SEC13: variants seen among roughly 807,000 people sequenced by gnomAD.
SEC13 encodes protein SEC13 homolog.
Under a neutral mutation model 49.2 loss-of-function variants are expected in SEC13, and 25 were observed. That is an observed-to-expected ratio of 0.51 (90% CI 0.37 to 0.71). The LOEUF is 0.71. SEC13 is among the 30% of genes least tolerant of loss of function. The probability of loss-of-function intolerance (pLI) is 0.00; values close to 1 mark genes in which losing one functional copy is unlikely to be tolerated. For synonymous variants in SEC13, 148 were observed against 163.9 expected (o/e 0.90, Z 0.74); for missense variants, 383 against 417.6 (o/e 0.92, Z 0.72).
chr3:10,312,671 G>A lies in SEC13; in HGVS notation c.224C>T (p.Ala75Val), dbSNP rs1402567339. 6.2e-7 allele frequency: 1 copy of A among 1,614,078 alleles called. No homozygotes were observed. The highest frequency in any genetic ancestry group is 8.5e-7 in the Non-Finnish European group (1 of 1,180,046). ...GACTTTCCGGTCATAGGAGCACGAT[G>A]CCAGGATGTTGCCGTACATGGGGTG... ...WAHPMYGNIL[A>V]SCSYDRKVII... Residue 75 changes from alanine to valine, a missense_variant, in exon 4 of 9, where the codon GCA becomes GTA. Coordinates refer to ENST00000350697, the MANE Select transcript of SEC13 (RefSeq NM_183352.3).
rs768198332 is a variant in SEC13, at chr3:10,301,067, T to C, written c.*194A>G. ...GTTTCTTCCTCGTAACATGAGTGCTTTCAGCTGGACAGTAGATTACAAAGC... is the reference window on the plus strand; with the variant it reads ...GTTTCTTCCTCGTAACATGAGTGCTCTCAGCTGGACAGTAGATTACAAAGC... On this transcript the variant is annotated 3_prime_UTR_variant, in exon 9 of 9. Transcript: ENST00000350697. The C allele has an allele frequency of 1.2e-6, 2 of 1,610,352 alleles. No individual in the cohort carries two copies. Among genetic ancestry groups the C allele is most frequent in the African/African-American group, 2.7e-5 (2 of 74,882 alleles).
chr3:10,302,851 T>G (rs1176874440), intron 8 of SEC13, among the ~76,000 whole-genome samples: 2 of 152,178 alleles, frequency 1.3e-5, no homozygotes, highest in East Asian at 1.9e-4. Flanking sequence ...CAACACTACT[T>G]AGCTTTACAA....
chr3:10,311,787 G>T, intron 5 of SEC13, 178 bp downstream of exon 5: 1 of 1,455,698 alleles, frequency 6.9e-7, no homozygotes, highest in Non-Finnish European at 9.1e-7. Context: ...GCCCTGCCTG[G>T]TCTGGCTTCA....
intron 8 of SEC13, among the ~76,000 whole-genome samples, chr3:10,302,979 G>A (rs1426672260): frequency 6.6e-6 from 1 of 152,222 alleles, no homozygotes; most frequent in African/African-American, 2.4e-5. Context: ...GGTCGCTAGA[G>A]CAGTCACATT....
rs1442126022 is a variant in SEC13 at position 10,321,062 on chromosome 3, G to GGTGGCTGCTCCAGGTCTCGGAC, written c.-32_-11dup. 6.2e-7 allele frequency: 1 copy of GGTGGCTGCTCCAGGTCTCGGAC among 1,613,104 alleles called. No individual in the cohort carries two copies. The highest frequency in any genetic ancestry group is 1.7e-5 in the Admixed American group (1 of 59,988). On this transcript the variant is annotated 5_prime_UTR_variant, in exon 1 of 9. Transcript: ENST00000350697. This position sits in a 1 kb window ranked among gnomAD's most constrained non-coding sequence, Gnocchi z 4.1. ...TACCAACACTCACCATGATTGCGGC[G>GGTGGCTGCTCCAGGTCTCGGAC]GTGGCTGCTCCAGGTCTCGGACGTG...
intron 3 of SEC13, chr3:10,312,972 GC>G (rs1419659397): frequency 2.2e-6 from 1 of 463,784 alleles, no homozygotes; most frequent in African/African-American, 2.0e-5. Context: ...CTCTGGGTCA[GC>G]CTTCCTGTCC....
chr3:10,311,685 T>A, intron 5 of SEC13: 1 of 1,322,638 alleles, frequency 7.6e-7, no homozygotes, highest in Non-Finnish European at 9.7e-7. Context: ...GCATGTCACC[T>A]GGAGGCAACC....
intron 8 of SEC13, among the ~76,000 whole-genome samples, chr3:10,303,294 G>A (rs935922813): frequency 6.6e-6 from 1 of 152,246 alleles, no homozygotes; most frequent in Non-Finnish European, 1.5e-5. Flanking sequence ...TGAAAACGCA[G>A]CACAGCCACT....
intron 5 of SEC13, among the ~76,000 whole-genome samples, chr3:10,311,029 T>TAA (rs35898923): frequency 2.7e-5 from 4 of 146,112 alleles, no homozygotes; most frequent in African/African-American, 1.0e-4. Flanking sequence ...CTGACAAGAT[T>TAA]AAAAAAAAAA....
rs376073337 is a variant in SEC13, at chr3:10,312,604, G to A, written c.291C>T (p.His97=). ...REENGTWEKS[H]EHAGHDSSVN... Reference sequence around the variant, plus strand: ...CTGAGGAGTCGTGTCCCGCATGCTCGTGGCTCTTCTCCCAGGTGCCGTTTT... The same window carrying A: ...CTGAGGAGTCGTGTCCCGCATGCTCATGGCTCTTCTCCCAGGTGCCGTTTT... The change falls in exon 4 of 9, where the codon CAC becomes CAT. Residue 97 remains histidine, a synonymous_variant. Coordinates refer to ENST00000350697, the MANE Select transcript of SEC13 (RefSeq NM_183352.3). The A allele has an allele frequency of 5.3e-5, 86 of 1,614,028 alleles. 1 individual carries two copies. The Admixed American group carries it at 1.1e-3, about 21-fold the overall frequency.
At chr3:10,307,795 C>A (rs1373513220) in intron 5 of SEC13, among the ~76,000 whole-genome samples, 2 of 152,102 alleles carry the variant, frequency 1.3e-5, no homozygotes, top group Non-Finnish European at 1.5e-5. Context: ...TCTTGAACTC[C>A]TGAGCTCAGG....
intron 1 of SEC13, chr3:10,319,222 G>A: frequency 2.5e-6 from 4 of 1,613,766 alleles, no homozygotes; most frequent in African/African-American, 1.3e-5. Context: ...GACAGTGGAA[G>A]AGGATGGCTG....
chr3:10,301,958 T>C (rs1044356166), intron 8 of SEC13, among the ~76,000 whole-genome samples: 6 of 152,056 alleles, frequency 3.9e-5, no homozygotes, highest in Non-Finnish European at 5.9e-5. Flanking sequence ...AAAATCAGTC[T>C]AGGTCGGGCA....
intron 5 of SEC13, 35 bp downstream of exon 5, chr3:10,311,930 G>T (rs370615716): frequency 6.2e-7 from 1 of 1,613,908 alleles, no homozygotes; most frequent in South Asian, 1.1e-5. Context: ...CAAGGCAGGC[G>T]CTCTCACTGC....
At position 10,312,696 on chromosome 3, in the gene SEC13, G is replaced by A. The variant is rs1701356112; in HGVS notation, c.199C>T (p.His67Tyr). Residue 67 changes from histidine (H) to tyrosine (Y), a missense_variant, in exon 4 of 9, where the codon CAC becomes TAC. His to Tyr is a moderately conservative substitution (Grantham distance 83, BLOSUM62 2). Transcript: ENST00000350697. The stretch of plus-strand genomic sequence containing the variant: ...GCCAGGATGTTGCCGTACATGGGGT[G>A]AGCCCAGGCCACTTGCCACACAGGA... The part of the protein sequence containing the change: ...EGPVWQVAWA[H>Y]PMYGNILASC... 1 of 1,614,086 alleles carries A rather than the reference G, an allele frequency of 6.2e-7. No individual in the cohort carries two copies. The highest frequency in any genetic ancestry group is 1.3e-5 in the African/African-American group (1 of 74,924).
At chr3:10,306,262 T>C (rs1700870747) in intron 5 of SEC13, among the ~76,000 whole-genome samples, 1 of 152,254 alleles carries the variant, frequency 6.6e-6, no homozygotes, top group East Asian at 1.9e-4. Context: ...ATTTTTCTGC[T>C]GAAGAGAGCC....
rs773259147 is a variant in SEC13, at chr3:10,305,559, T to C, written c.584A>G (p.Lys195Arg). The C allele has an allele frequency of 1.2e-6, 2 of 1,613,612 alleles. No homozygotes were observed. The highest frequency in any genetic ancestry group is 8.5e-7 in the Non-Finnish European group (1 of 1,180,014). Residue 195 changes from lysine (K) to arginine (R), a missense_variant and splice_region_variant, in exon 6 of 9, where the codon AAG (lysine) becomes AGG (arginine). Lys to Arg is a conservative substitution (Grantham distance 26). Coordinates refer to ENST00000350697, the MANE Select transcript of SEC13 (RefSeq NM_183352.3). The part of the protein sequence containing the change: ...GGCDNLIKLW[K>R]EEEDGQWKEE... ...GAGAAGGCCACACATCCCTACTTAC[T>C]TCCACAGCTTGATGAGGTTGTCACA...
At position 10,312,029 on chromosome 3, in the gene SEC13, A is replaced by G. The variant is rs946485231; in HGVS notation, c.386T>C (p.Ile129Thr). ...TTCCCCGGTGTAAGTCAGCAGGGAG[A>G]TGGCCCCATCCGAGCTCCCACAGGC... ...ILACGSSDGA[I>T]SLLTYTGEGQ... The change falls in exon 5 of 9, where the codon ATC (isoleucine) becomes ACC (threonine). Residue 129 changes from isoleucine (I) to threonine (T), a missense_variant. Ile to Thr is a moderately conservative substitution (Grantham distance 89). Coordinates refer to ENST00000350697, the MANE Select transcript of SEC13 (RefSeq NM_183352.3). The G allele has an allele frequency of 1.2e-6, 2 of 1,614,002 alleles. No individual in the cohort carries two copies. Among genetic ancestry groups the G allele is most frequent in the Non-Finnish European group, 1.7e-6 (2 of 1,179,988 alleles).
Position 10,316,894 on chromosome 3 carries a change from G to A in SEC13, c.48+1156C>T, listed in dbSNP as rs994353678. Among the ~76,000 whole-genome samples, 45 of 151,830 alleles carry A rather than the reference G, an allele frequency of 3.0e-4. 1 individual carries two copies. The highest frequency in any genetic ancestry group is 2.1e-4 in the Non-Finnish European group (14 of 67,998). ...CGCACGCCTGTAATCCCAGCTACTCGGGAGTCTGGGGCAGGAGAATTACTT... is the reference window on the plus strand; with the variant it reads ...CGCACGCCTGTAATCCCAGCTACTCAGGAGTCTGGGGCAGGAGAATTACTT... On this transcript the variant is annotated intron_variant, in intron 2 of 8. Coordinates refer to ENST00000350697, the MANE Select transcript of SEC13 (RefSeq NM_183352.3).
Sources: allele counts gnomAD v4.1 joint callset (sites outside exome capture counted in the v4.1 genomes callset), GRCh38; gene constraint gnomAD v4.1.1; non-coding constraint Gnocchi (gnomAD v3.1); transcripts MANE v1.5; gene names NCBI Gene and HGNC (gene_info 2026-07-23, HGNC 2026-07-21).